Variants in IL1RAPL1 observed in about 807,000 individuals in gnomAD.
IL1RAPL1 encodes the protein interleukin 1 receptor accessory protein like 1.
Under a neutral mutation model 48.4 loss-of-function variants are expected in IL1RAPL1, and 3 were observed. That is an observed-to-expected ratio of 0.06 (90% confidence interval 0.03 to 0.16). The LOEUF is 0.16. Ranked by LOEUF, IL1RAPL1 falls within the 10% of genes least tolerant of loss-of-function variation. The pLI is 1.00. For synonymous variants in IL1RAPL1, 185 were observed against 187.7 expected (o/e 0.99, Z 0.12); for missense variants, 349 against 530.6 (o/e 0.66, Z 3.36).
At chrX:29,450,756 T>C (rs1934669897) in intron 5 of IL1RAPL1, among the ~76,000 whole-genome samples, 1 of 112,328 alleles carries the variant, frequency 8.9e-6, no homozygotes, top group Non-Finnish European at 1.9e-5. Context: ...GTTGTTAAAA[T>C]GAAGTGGCAT....
At chrX:28,946,970 T>A (rs1184560217) in intron 2 of IL1RAPL1, among the ~76,000 whole-genome samples, 1 of 112,083 alleles carries the variant, frequency 8.9e-6, no homozygotes, top group Non-Finnish European at 1.9e-5. Flanking sequence ...AGGGAAAAAC[T>A]GAATGCTAAT....
At chrX:28,983,582 G>T (rs1925394907) in intron 2 of IL1RAPL1, among the ~76,000 whole-genome samples, 1 of 111,963 alleles carries the variant, frequency 8.9e-6, no homozygotes, top group Admixed American at 9.5e-5. Context: ...ATTGGAGTTT[G>T]TCATGGGGGC....
At chrX:29,252,399 C>T (rs898223014) in intron 2 of IL1RAPL1, among the ~76,000 whole-genome samples, 2 of 113,822 alleles carry the variant, frequency 1.8e-5, no homozygotes, top group African/African-American at 6.4e-5. Context: ...TCCTAGTGGC[C>T]AGGGCATACA....
intron 5 of IL1RAPL1, among the ~76,000 whole-genome samples, chrX:29,628,438 G>T (rs1384834815): frequency 9.0e-6 from 1 of 111,617 alleles, no homozygotes; most frequent in African/African-American, 3.3e-5. Flanking sequence ...TGCATAGGGT[G>T]CCCTTGATAA....
chrX:28,650,048 C>T (rs992513596), intron 1 of IL1RAPL1, among the ~76,000 whole-genome samples: 2 of 111,524 alleles, frequency 1.8e-5, no homozygotes, highest in Non-Finnish European at 3.8e-5. Context: ...CCCCTAAAAA[C>T]TTATGTTGTT....
chrX:29,300,700 C>G (rs954751252), intron 3 of IL1RAPL1, among the ~76,000 whole-genome samples: 6 of 111,925 alleles, frequency 5.4e-5, no homozygotes, highest in African/African-American at 1.9e-4. Context: ...ATGTAGATAG[C>G]TAGTACAAAA....
At chrX:28,947,114 T>C (rs1330385230) in intron 2 of IL1RAPL1, among the ~76,000 whole-genome samples, 1 of 111,703 alleles carries the variant, frequency 9.0e-6, no homozygotes, top group Non-Finnish European at 1.9e-5. Context: ...TTCTTGACTT[T>C]TCCTTTTGGT....
chrX:29,877,683 C>T (rs1319027435), intron 6 of IL1RAPL1, among the ~76,000 whole-genome samples: 3 of 111,409 alleles, frequency 2.7e-5, no homozygotes, highest in Non-Finnish European at 3.8e-5. Context: ...ATCCATTAAC[C>T]GATAGAACGA....
At chrX:29,370,207 G>A (rs113592183) in intron 3 of IL1RAPL1, among the ~76,000 whole-genome samples, 6,105 of 110,611 alleles carry the variant, frequency 0.055, 420 homozygotes, top group African/African-American at 0.19. Flanking sequence ...ATTAATATTC[G>A]GCTATTGGCT....
chrX:28,624,254 C>T (rs1934315036), intron 1 of IL1RAPL1, among the ~76,000 whole-genome samples: 1 of 111,653 alleles, frequency 9.0e-6, no homozygotes, highest in Non-Finnish European at 1.9e-5. Context: ...AAACCACACA[C>T]GATGTGTTTG....
chrX:29,429,894 G>GTGTGTGTGTGTGT lies in IL1RAPL1; in HGVS notation c.703+30586_703+30587insTGTGTGTGTGTGT, dbSNP rs34694649. 4.7e-4 allele frequency among the ~76,000 whole-genome samples: 40 copies of GTGTGTGTGTGTGT among 85,104 alleles called. 2 individuals are homozygous for GTGTGTGTGTGTGT. Among genetic ancestry groups the GTGTGTGTGTGTGT allele is most frequent in the South Asian group, 6.7e-4 (1 of 1,482 alleles). The allele number at this position is 85,104 out of a possible 115,157, so 73.9% of individuals were successfully genotyped here. A position where few individuals can be genotyped will look rare whatever the true frequency, so the allele number is the denominator to read the frequency against. On this transcript the variant is annotated intron_variant, in intron 5 of 10. Transcript: ENST00000378993. ...AGTGTATATATATGTGTGTGTGTGT[G>GTGTGTGTGTGTGT]GTGTGTGTGTGTGTGTGTGTGTGTG...
chrX:29,085,155 A>C (rs1329883327), intron 2 of IL1RAPL1, among the ~76,000 whole-genome samples: 2 of 111,952 alleles, frequency 1.8e-5, no homozygotes, highest in Non-Finnish European at 3.8e-5. Flanking sequence ...CATAATAATA[A>C]AACTAACAAA....
intron 2 of IL1RAPL1, among the ~76,000 whole-genome samples, chrX:29,185,296 T>C (rs1195039437): frequency 8.9e-6 from 1 of 112,046 alleles, no homozygotes; most frequent in Non-Finnish European, 1.9e-5. Flanking sequence ...AAATTTCCAA[T>C]GATGTCTATA....
intron 1 of IL1RAPL1, among the ~76,000 whole-genome samples, chrX:28,770,188 G>A (rs1473975035): frequency 2.7e-5 from 3 of 112,246 alleles, no homozygotes; most frequent in Non-Finnish European, 5.6e-5. Flanking sequence ...CTTGAAAGAA[G>A]TATGGTAGTG....
At chrX:29,910,574 A>G (rs995238658) in intron 6 of IL1RAPL1, among the ~76,000 whole-genome samples, 4 of 111,881 alleles carry the variant, frequency 3.6e-5, no homozygotes, top group African/African-American at 1.3e-4. Context: ...AAGTAAAAAT[A>G]TAGTCTGATT....
intron 5 of IL1RAPL1, among the ~76,000 whole-genome samples, chrX:29,538,140 A>G (rs928589143): frequency 1.8e-5 from 2 of 109,214 alleles, no homozygotes; most frequent in East Asian, 2.8e-4. Flanking sequence ...ATACTTTAAT[A>G]TCACTTTAAT....
At chrX:29,461,616 T>A (rs1186734522) in intron 5 of IL1RAPL1, among the ~76,000 whole-genome samples, 1 of 111,332 alleles carries the variant, frequency 9.0e-6, no homozygotes, top group African/African-American at 3.3e-5. Flanking sequence ...TCTCCGAATG[T>A]CCATCAACTA....
At chrX:29,405,613 G>T (rs1352178932) in intron 5 of IL1RAPL1, among the ~76,000 whole-genome samples, 1 of 104,767 alleles carries the variant, frequency 9.5e-6, no homozygotes, top group East Asian at 3.0e-4. Context: ...TGATCCACCC[G>T]CCTCGGCCTC....
chrX:28,621,321 T>G (rs142277484), intron 1 of IL1RAPL1, among the ~76,000 whole-genome samples: 23 of 112,135 alleles, frequency 2.1e-4, no homozygotes, highest in African/African-American at 7.1e-4. Context: ...TGACTTTTCA[T>G]GTCTGTTACT....
Sources: allele counts gnomAD v4.1 joint callset (sites outside exome capture counted in the v4.1 genomes callset), GRCh38; gene constraint gnomAD v4.1.1; transcripts MANE v1.5; gene names NCBI Gene and HGNC (gene_info 2026-07-23, HGNC 2026-07-21).